The following INTS6L variants were observed in gnomAD, a reference collection of about 807,000 sequenced individuals.
The protein encoded by INTS6L is integrator complex subunit 6-like.
In INTS6L, 18 loss-of-function variants were observed where a neutral mutation model predicts 64.7. The ratio of observed to expected loss-of-function variants is 0.28; its 90% CI spans 0.19 to 0.41. The LOEUF is 0.41. INTS6L is among the 10% of genes least tolerant of loss of function. The pLI is 1.00. For missense variants in INTS6L, 533 were observed against 661.0 expected (o/e 0.81, Z 2.12); for synonymous variants, 227 against 235.9 (o/e 0.96, Z 0.34).
chrX:135,521,178 C>T (rs1224724270), intron 1 of INTS6L, 63 bp from the exon 2 acceptor site: 3 of 1,171,513 alleles, frequency 2.6e-6, no homozygotes, highest in African/African-American at 1.8e-5. Context: ...GCTTCTGTAA[C>T]GTTTGTATCG....
intron 12 of INTS6L, among the ~76,000 whole-genome samples, chrX:135,573,627 T>G (rs1307119243): frequency 5.3e-5 from 6 of 112,584 alleles, no homozygotes; most frequent in African/African-American, 1.6e-4. Flanking sequence ...TCACCTCCCC[T>G]CCATGGCTGC....
In INTS6L at chrX:135,572,924, A is replaced by G; in HGVS notation, c.1508A>G (p.Asn503Ser). 1 of 1,211,442 alleles carries G rather than the reference A, an allele frequency of 8.3e-7. No homozygotes were observed. The highest frequency in any genetic ancestry group is 1.1e-6 in the Non-Finnish European group (1 of 895,168). ...HSGGGMSLTHNKNFRKLLKEI... is the reference protein window; with the variant it reads ...HSGGGMSLTHSKNFRKLLKEI... ...GGAGGTGGCATGTCCTTGACTCACA[A>G]TAAAAATTTTAGAAAACTATTGAAA... Residue 503 changes from asparagine to serine, a missense_variant, in exon 12 of 18, where the codon AAT becomes AGT. Coordinates refer to ENST00000639893, the MANE Select transcript of INTS6L (RefSeq NM_001351601.3).
intron 9 of INTS6L, among the ~76,000 whole-genome samples, chrX:135,567,309 T>A (rs1439635637): frequency 9.0e-6 from 1 of 111,508 alleles, no homozygotes; most frequent in Non-Finnish European, 1.9e-5. Context: ...CATATCTTCT[T>A]TCAAATGTTG....
At chrX:135,524,482 G>A (rs987183798) in intron 2 of INTS6L, among the ~76,000 whole-genome samples, 11 of 109,841 alleles carry the variant, frequency 1.0e-4, no homozygotes, top group African/African-American at 3.0e-4. Flanking sequence ...AGGTTTGAGC[G>A]CCATTGTTTC....
intron 2 of INTS6L, among the ~76,000 whole-genome samples, chrX:135,530,604 A>G (rs1220794543): frequency 8.9e-6 from 1 of 112,508 alleles, no homozygotes; most frequent in Non-Finnish European, 1.9e-5. Context: ...TGGAGGAGGT[A>G]GACATGGTTT....
intron 11 of INTS6L, chrX:135,572,573 C>T: frequency 1.4e-5 from 4 of 289,726 alleles, no homozygotes; most frequent in East Asian, 5.7e-5. Flanking sequence ...TTATTCTCTC[C>T]ATGATTTTAT....
intron 8 of INTS6L, among the ~76,000 whole-genome samples, chrX:135,554,817 A>C (rs970147458): frequency 9.1e-6 from 1 of 109,683 alleles, no homozygotes; most frequent in African/African-American, 3.3e-5. Context: ...AAGGAGTAAG[A>C]AAATAGTCAT....
intron 12 of INTS6L, among the ~76,000 whole-genome samples, 159 bp from the exon 13 acceptor site, chrX:135,573,780 A>G (rs2087150884): frequency 8.9e-6 from 1 of 112,658 alleles, no homozygotes; most frequent in African/African-American, 3.2e-5. Flanking sequence ...TACAATGCAG[A>G]ACAAGGCTAG....
At chrX:135,563,243 A>C (rs782183232) in intron 9 of INTS6L, among the ~76,000 whole-genome samples, 9 of 111,115 alleles carry the variant, frequency 8.1e-5, no homozygotes, top group East Asian at 5.6e-4. Flanking sequence ...TAGAAACTTT[A>C]TCTCTCATTA....
rs1004302317 is a variant in INTS6L at position 135,575,039 on chromosome X, A to G, written c.1742-45A>G. On this transcript the variant is annotated intron_variant, in intron 13 of 17. Transcript: ENST00000639893. ...GATCATGTCTTCTCGAAAGGACCAT[A>G]CGCTTCAGCTATAAGCATCAATTTC... 9 of 1,195,161 alleles carry G rather than the reference A, an allele frequency of 7.5e-6. No homozygotes were observed. In the Admixed American group the frequency reaches 2.0e-4, roughly 27 times the overall value.
intron 3 of INTS6L, 87 bp from the exon 4 acceptor site, chrX:135,546,293 T>G: frequency 3.5e-6 from 2 of 568,705 alleles, no homozygotes; most frequent in Non-Finnish European, 5.1e-6. Flanking sequence ...ATCATATTCT[T>G]GAGAGATCAT....
At chrX:135,522,511 G>T (rs1414547255) in intron 2 of INTS6L, among the ~76,000 whole-genome samples, 2 of 112,015 alleles carry the variant, frequency 1.8e-5, no homozygotes, top group Admixed American at 9.4e-5. Flanking sequence ...AGTCCTGCTT[G>T]CATATTGAAA....
intron 9 of INTS6L, 60 bp from the exon 10 acceptor site, chrX:135,569,277 C>A: frequency 1.3e-6 from 1 of 761,898 alleles, no homozygotes; most frequent in Non-Finnish European, 1.8e-6. Flanking sequence ...ATGTGGGTTG[C>A]TTGATTATAT....
intron 2 of INTS6L, among the ~76,000 whole-genome samples, chrX:135,537,904 A>C (rs2086097624): frequency 8.9e-6 from 1 of 112,079 alleles, no homozygotes; most frequent in Non-Finnish European, 1.9e-5. Flanking sequence ...TGTCTAAAAA[A>C]CAATGTATAC....
intron 9 of INTS6L, among the ~76,000 whole-genome samples, chrX:135,566,819 A>T (rs2086963581): frequency 9.0e-6 from 1 of 111,730 alleles, no homozygotes; most frequent in Admixed American, 9.5e-5. Context: ...TCTTAAATAT[A>T]TCACATTCAA....
chrX:135,530,660 A>G (rs2085882896), intron 2 of INTS6L, among the ~76,000 whole-genome samples: 1 of 112,121 alleles, frequency 8.9e-6, no homozygotes, highest in Non-Finnish European at 1.9e-5. Context: ...AGTTTTGTGT[A>G]TCAGCCTGAG....
chrX:135,533,675 C>T (rs782020115), intron 2 of INTS6L, among the ~76,000 whole-genome samples: 31 of 111,021 alleles, frequency 2.8e-4, no homozygotes, highest in Non-Finnish European at 4.0e-4. Context: ...ATCTTCAGAA[C>T]GTAATAAATG....
At chrX:135,580,736 C>T (rs965078499) in intron 16 of INTS6L, among the ~76,000 whole-genome samples, 2 of 112,582 alleles carry the variant, frequency 1.8e-5, no homozygotes, top group Admixed American at 9.4e-5. Flanking sequence ...GGATAATCTC[C>T]CCATCTCAAG....
rs138766227 is a variant in INTS6L, at chrX:135,531,911, G to C, written c.189+10593G>C. Among the ~76,000 whole-genome samples, 618 of 111,877 alleles carry C rather than the reference G, an allele frequency of 5.5e-3. 3 individuals carry two copies. The highest frequency in any genetic ancestry group is 0.018 in the African/African-American group (550 of 30,806). Reference sequence around the variant, plus strand: ...ACAGAGCCAGGAGAGCTGAAGGCCTGGGGGAGGAGAGGAAGTAAACTGAAA... The same window carrying C: ...ACAGAGCCAGGAGAGCTGAAGGCCTCGGGGAGGAGAGGAAGTAAACTGAAA... On this transcript the variant is annotated intron_variant, in intron 2 of 17. Coordinates refer to ENST00000639893, the MANE Select transcript of INTS6L (RefSeq NM_001351601.3).
Sources: allele counts gnomAD v4.1 joint callset (sites outside exome capture counted in the v4.1 genomes callset), GRCh38; gene constraint gnomAD v4.1.1; transcripts MANE v1.5; gene names NCBI Gene and HGNC (gene_info 2026-07-23, HGNC 2026-07-21).